Variants in ANK3 observed in about 807,000 individuals in gnomAD.
ANK3 encodes the protein ankyrin 3, also known as ankyrin-3.
In ANK3, 57 loss-of-function variants were observed where a neutral mutation model predicts 370.9. The observed-to-expected ratio is 0.15, with a 90% confidence interval of 0.12 to 0.19. ANK3 has a LOEUF of 0.19. Among genes scored for constraint, ANK3 ranks in the 10% least tolerant of loss-of-function variants. The pLI is 1.00. For missense variants in ANK3, 4,439 were observed against 5,302.1 expected (o/e 0.84, Z 5.06); for synonymous variants, 1,929 against 1,946.3 (o/e 0.99, Z 0.23).
At chr10:60,218,311 T>C (rs1461823215) in intron 8 of ANK3, among the ~76,000 whole-genome samples, 1 of 152,186 alleles carries the variant, frequency 6.6e-6, no homozygotes, top group Non-Finnish European at 1.5e-5. Flanking sequence ...TATGTGAATT[T>C]GATCCTGTCA....
chr10:60,206,154 A>C (rs74366880), intron 10 of ANK3, among the ~76,000 whole-genome samples: 5,883 of 152,174 alleles, frequency 0.039, 358 homozygotes, highest in African/African-American at 0.13. Flanking sequence ...TCATTTCATT[A>C]TTTTATTTTG....
At chr10:60,570,281 G>A (rs1024436220) in intron 2 of ANK3, among the ~76,000 whole-genome samples, 5 of 152,188 alleles carry the variant, frequency 3.3e-5, no homozygotes, top group East Asian at 1.9e-4. Flanking sequence ...AGAGAATAAA[G>A]TAGGTATCTG....
chr10:60,299,124 A>G (rs545337456), intron 1 of ANK3, among the ~76,000 whole-genome samples: 1 of 152,274 alleles, frequency 6.6e-6, no homozygotes, highest in East Asian at 1.9e-4. Context: ...AATCTCAAAG[A>G]TTACCCTTAA....
chr10:60,271,765 T>C (rs1313031677), intron 4 of ANK3, among the ~76,000 whole-genome samples: 3 of 151,768 alleles, frequency 2.0e-5, no homozygotes, highest in Non-Finnish European at 4.4e-5. Flanking sequence ...AACTGAGAAT[T>C]AGAAAGTAAG....
intron 1 of ANK3, among the ~76,000 whole-genome samples, chr10:60,701,480 G>A (rs1352917789): frequency 6.6e-6 from 1 of 151,984 alleles, no homozygotes; most frequent in East Asian, 1.9e-4. Flanking sequence ...ATTCACAGCA[G>A]GACTATTTAT....
At chr10:60,080,728 T>TAAGA in intron 35 of ANK3, 110 bp from the exon 36 acceptor site, 3 of 916,626 alleles carry the variant, frequency 3.3e-6, no homozygotes, top group Non-Finnish European at 4.9e-6. Context: ...TTTTCCTTCT[T>TAAGA]AGGAAATGTT....
chr10:60,340,088 T>C (rs2053907755), intron 1 of ANK3, among the ~76,000 whole-genome samples: 1 of 152,206 alleles, frequency 6.6e-6, no homozygotes, highest in South Asian at 2.1e-4. Flanking sequence ...AGGTACTTTT[T>C]AAAATTTTAT....
At chr10:60,348,694 G>A (rs2056234060) in intron 1 of ANK3, among the ~76,000 whole-genome samples, 1 of 152,040 alleles carries the variant, frequency 6.6e-6, no homozygotes, top group Non-Finnish European at 1.5e-5. Context: ...TGGTAGTGGT[G>A]GTTTTTACAC....
chr10:60,493,398 G>A (rs1028138919), intron 2 of ANK3, among the ~76,000 whole-genome samples: 8 of 152,106 alleles, frequency 5.3e-5, no homozygotes, highest in Non-Finnish European at 1.2e-4. Flanking sequence ...CCTATGGGAG[G>A]AGGCAGCAAC....
At chr10:60,429,611 A>G (rs2063968921) in intron 2 of ANK3, among the ~76,000 whole-genome samples, 1 of 152,206 alleles carries the variant, frequency 6.6e-6, no homozygotes, top group African/African-American at 2.4e-5. Context: ...GGTTCAGCAG[A>G]AGGCTTTTGG....
chr10:60,136,303 G>A (rs1590637234), intron 24 of ANK3, among the ~76,000 whole-genome samples: 1 of 152,082 alleles, frequency 6.6e-6, no homozygotes, highest in African/African-American at 2.4e-5. Context: ...TGGTGTGAAC[G>A]AACAAATGAA....
intron 18 of ANK3, among the ~76,000 whole-genome samples, chr10:60,177,593 C>CTTTTTTTTTTTTTTTTTTTTTTTT (rs771714886): frequency 2.8e-5 from 3 of 106,252 alleles, no homozygotes; most frequent in Non-Finnish European, 5.4e-5. Context: ...GTCTTCAAAT[C>CTTTTTTTTTTTTTTTTTTTTTTTT]TTTTTTTTTT....
intron 2 of ANK3, among the ~76,000 whole-genome samples, chr10:60,500,017 A>G (rs957211570): frequency 1.3e-5 from 2 of 152,238 alleles, no homozygotes; most frequent in Non-Finnish European, 2.9e-5. Context: ...ATCATCTAAT[A>G]TAGAACAGAA....
At chr10:60,380,725 A>T (rs2061441806) in intron 1 of ANK3, among the ~76,000 whole-genome samples, 1 of 152,146 alleles carries the variant, frequency 6.6e-6, no homozygotes, top group African/African-American at 2.4e-5. Flanking sequence ...AAAAAATCAC[A>T]GAGGGTCTAT....
chr10:60,708,106 G>C lies in ANK3; in HGVS notation c.57+25157C>G, dbSNP rs1378655722. 5.3e-5 allele frequency among the ~76,000 whole-genome samples: 8 copies of C among 152,244 alleles called. 1 individual carries two copies. Among genetic ancestry groups the C allele is most frequent in the Admixed American group, 3.3e-4 (5 of 15,282 alleles). ...GTACAGGCTGTCAGAGGTTCTGCCA[G>C]GGAGCCCTTCCCACTTGACTGTCTC... On this transcript the variant is annotated intron_variant, in intron 1 of 43. Coordinates refer to the ANK3 transcript ENST00000373827.
intron 24 of ANK3, 146 bp downstream of exon 24, chr10:60,138,818 G>C (rs1008234976): frequency 1.0e-6 from 1 of 969,488 alleles, no homozygotes; most frequent in Non-Finnish European, 1.5e-6. Flanking sequence ...CAGAGCATGT[G>C]TATTTGCGTC....
chr10:60,054,192 A>G lies in ANK3; in HGVS notation c.13065+1466T>C, dbSNP rs1015032343. Among the ~76,000 whole-genome samples the G allele has an allele frequency of 2.6e-5, 4 of 152,204 alleles. No individual in the cohort carries two copies. The East Asian group carries it at 7.7e-4, about 29-fold the overall frequency. ...TAGAACTTTAACAGGCTTTTGCAGAATAAATATTCACAGGAAAAATACCAC... is the reference window on the plus strand; with the variant it reads ...TAGAACTTTAACAGGCTTTTGCAGAGTAAATATTCACAGGAAAAATACCAC... On this transcript the variant is annotated intron_variant, in intron 42 of 43. Coordinates refer to ENST00000280772, the MANE Select transcript of ANK3 (RefSeq NM_020987.5).
Position 60,644,144 on chromosome 10 carries a change from G to A in ANK3, c.58-28920C>T, listed in dbSNP as rs542846497. 5.3e-5 allele frequency among the ~76,000 whole-genome samples: 8 copies of A among 152,244 alleles called. No individual in the cohort carries two copies. In the East Asian group the frequency reaches 1.5e-3, roughly 29 times the overall value. ...ATGTCTGTTTTGCTTATCTGTTGGA[G>A]AAGAGAGTAATGAATGTAAGATGAC... On this transcript the variant is annotated intron_variant, in intron 1 of 43. Transcript: ENST00000373827.
intron 1 of ANK3, among the ~76,000 whole-genome samples, chr10:60,353,925 G>A (rs1235692076): frequency 1.3e-5 from 2 of 152,234 alleles, no homozygotes; most frequent in African/African-American, 4.8e-5. Context: ...ATTGTTATCA[G>A]CTCAGCCTGT....
Sources: allele counts gnomAD v4.1 joint callset (sites outside exome capture counted in the v4.1 genomes callset), GRCh38; gene constraint gnomAD v4.1.1; transcripts MANE v1.5; gene names NCBI Gene and HGNC (gene_info 2026-07-23, HGNC 2026-07-21).